RCAN2: variants seen among roughly 807,000 people sequenced by gnomAD.
The protein encoded by RCAN2 is calcipressin-2.
Under a neutral mutation model 23.6 loss-of-function variants are expected in RCAN2, and 9 were observed. The ratio of observed to expected loss-of-function variants is 0.38; its 90% confidence interval spans 0.23 to 0.67. The LOEUF (loss-of-function observed/expected upper bound fraction) is 0.67. Ranked by LOEUF, RCAN2 falls within the 30% of genes least tolerant of loss-of-function variation. The pLI is 0.51. For missense variants in RCAN2, 273 were observed against 302.3 expected, an observed-to-expected ratio of 0.90 and a Z score of 0.72; for synonymous variants, 109 against 115.7, an observed-to-expected ratio of 0.94 and a Z score of 0.37.
chr6:46,367,139 G>GT (rs141336354), intron 2 of RCAN2, among the ~76,000 whole-genome samples: 4,081 of 147,940 alleles, frequency 0.028, 208 homozygotes, highest in African/African-American at 0.095. Flanking sequence ...ACACAAGGGG[G>GT]TGTCCCAGTT....
At chr6:46,342,739 A>G (rs986553529) in intron 2 of RCAN2, among the ~76,000 whole-genome samples, 4 of 151,680 alleles carry the variant, frequency 2.6e-5, no homozygotes, top group African/African-American at 9.7e-5. Flanking sequence ...GTTGTGGGAG[A>G]AAGAATTTGC....
chr6:46,334,153 C>A (rs1397115673), intron 2 of RCAN2, among the ~76,000 whole-genome samples: 2 of 152,218 alleles, frequency 1.3e-5, no homozygotes. Context: ...CTTAATCAGC[C>A]TATCTAGGTA....
At chr6:46,253,487 C>T (rs914211797) in intron 2 of RCAN2, among the ~76,000 whole-genome samples, 1 of 152,154 alleles carries the variant, frequency 6.6e-6, no homozygotes, top group South Asian at 2.1e-4. Flanking sequence ...TTCCTCCAGT[C>T]AAACATTGTA....
intron 1 of RCAN2, among the ~76,000 whole-genome samples, chr6:46,471,787 A>T (rs1768563782): frequency 6.6e-6 from 1 of 152,220 alleles, no homozygotes; most frequent in Non-Finnish European, 1.5e-5. Flanking sequence ...TAATAATAGT[A>T]CCATTGCAAG....
At chr6:46,451,934 ATGTC>A (rs906051398) in intron 2 of RCAN2, among the ~76,000 whole-genome samples, 2 of 152,104 alleles carry the variant, frequency 1.3e-5, no homozygotes, top group African/African-American at 2.4e-5. Flanking sequence ...TGATGTGTGT[ATGTC>A]TGTCTGTGTG....
At chr6:46,452,938 A>G (rs1767922491) in intron 2 of RCAN2, among the ~76,000 whole-genome samples, 1 of 152,194 alleles carries the variant, frequency 6.6e-6, no homozygotes, top group Admixed American at 6.5e-5. Context: ...AAAGTATAAT[A>G]ATAAAAAAAA....
At chr6:46,278,709 C>T (rs905847361) in intron 2 of RCAN2, among the ~76,000 whole-genome samples, 2 of 152,188 alleles carry the variant, frequency 1.3e-5, no homozygotes, top group South Asian at 4.1e-4. Context: ...TTGACATTGA[C>T]ATCTTTGTAT....
intron 2 of RCAN2, among the ~76,000 whole-genome samples, chr6:46,441,657 A>G (rs1048194428): frequency 6.6e-6 from 1 of 152,176 alleles, no homozygotes; most frequent in Admixed American, 6.5e-5. Flanking sequence ...CTTAAAACAC[A>G]GATGAGATTA....
intron 1 of RCAN2, among the ~76,000 whole-genome samples, chr6:46,488,288 C>G (rs962978664): frequency 2.6e-5 from 4 of 152,212 alleles, no homozygotes; most frequent in African/African-American, 9.6e-5. Flanking sequence ...GTTTTCTTGT[C>G]AGTCATCTGA....
rs375542227 is a variant in RCAN2, at chr6:46,295,138, G to C, written c.226-46242C>G. Among the ~76,000 whole-genome samples the C allele has an allele frequency of 3.3e-5, 5 of 152,086 alleles. No homozygotes were observed. The South Asian group carries it at 1.0e-3, about 32-fold the overall frequency. Reference sequence around the variant, plus strand: ...ACTTGCAAATTCTTGGTGGATCTTGGGGGAGAAGTTGATCTGAGGTAATGA... The same window carrying C: ...ACTTGCAAATTCTTGGTGGATCTTGCGGGAGAAGTTGATCTGAGGTAATGA... On this transcript the variant is annotated intron_variant, in intron 2 of 4. Coordinates refer to ENST00000371374, the MANE Select transcript of RCAN2 (RefSeq NM_001251974.2).
intron 2 of RCAN2, among the ~76,000 whole-genome samples, chr6:46,271,224 A>G (rs1767514385): frequency 6.6e-6 from 1 of 152,166 alleles, no homozygotes; most frequent in African/African-American, 2.4e-5. Context: ...TCATGGGTTT[A>G]TGGAGGCTTG....
chr6:46,277,646 A>C (rs956030048), intron 2 of RCAN2, among the ~76,000 whole-genome samples: 4 of 152,092 alleles, frequency 2.6e-5, no homozygotes, highest in Non-Finnish European at 4.4e-5. Flanking sequence ...TGGTCTATAA[A>C]GAAGGAACAG....
At chr6:46,346,852 T>TTTAG (rs1298292465) in intron 2 of RCAN2, among the ~76,000 whole-genome samples, 11 of 151,714 alleles carry the variant, frequency 7.3e-5, no homozygotes, top group South Asian at 4.2e-4. Context: ...TTTTTAAATT[T>TTTAG]TTATTTATTT....
intron 3 of RCAN2, among the ~76,000 whole-genome samples, chr6:46,248,028 C>G (rs913697051): frequency 3.9e-5 from 6 of 152,108 alleles, no homozygotes; most frequent in Non-Finnish European, 7.4e-5. Context: ...ACTGTGCCAT[C>G]TCTGTAGAAT....
chr6:46,324,042 C>G (rs866270282), intron 2 of RCAN2, among the ~76,000 whole-genome samples: 2 of 152,206 alleles, frequency 1.3e-5, no homozygotes, highest in South Asian at 2.1e-4. Flanking sequence ...GAAGATGTCT[C>G]TCTACCTGGT....
At chr6:46,417,546 A>G (rs1001492466) in intron 2 of RCAN2, among the ~76,000 whole-genome samples, 5 of 152,202 alleles carry the variant, frequency 3.3e-5, no homozygotes, top group Non-Finnish European at 5.9e-5. Context: ...TATGATAACC[A>G]AGAACTGCAG....
rs76992995 is a variant in RCAN2 at position 46,237,895 on chromosome 6, T to A, written c.571+8853A>T. 2.0e-3 allele frequency among the ~76,000 whole-genome samples: 310 copies of A among 152,310 alleles called. 3 individuals are homozygous for A. The highest frequency in any genetic ancestry group is 7.3e-3 in the African/African-American group (304 of 41,566). ...CCCACAGTCTAAGTGAACTCTCAGC[T>A]AATAGCACCATTTTGCCAACCATGT... On this transcript the variant is annotated intron_variant, in intron 4 of 4. Transcript: ENST00000371374.
At chr6:46,338,116 T>C (rs1380620749) in intron 2 of RCAN2, among the ~76,000 whole-genome samples, 1 of 152,342 alleles carries the variant, frequency 6.6e-6, no homozygotes, top group East Asian at 1.9e-4. Context: ...ATAGGAAATA[T>C]CTTTGGCTAA....
At chr6:46,266,726 G>A (rs956731554) in intron 2 of RCAN2, among the ~76,000 whole-genome samples, 1 of 152,176 alleles carries the variant, frequency 6.6e-6, no homozygotes. Context: ...CAGGGTCCCA[G>A]TGATCAAGCT....
Sources: allele counts gnomAD v4.1 joint callset (sites outside exome capture counted in the v4.1 genomes callset), GRCh38; gene constraint gnomAD v4.1.1; transcripts MANE v1.5; gene names NCBI Gene and HGNC (gene_info 2026-07-23, HGNC 2026-07-21).